Variants in UPF2 observed in about 807,000 individuals in gnomAD.
UPF2 encodes the protein regulator of nonsense transcripts 2.
Under a neutral mutation model 141.4 loss-of-function variants are expected in UPF2, and 17 were observed. The ratio of observed to expected loss-of-function variants is 0.12; its 90% CI spans 0.08 to 0.18. The LOEUF is 0.18. UPF2 is among the 10% of genes least tolerant of loss of function. The probability of loss-of-function intolerance (pLI) is 1.00; values close to 1 mark genes in which losing one functional copy is unlikely to be tolerated. For missense variants in UPF2, 1,152 were observed against 1,515.9 expected, an observed-to-expected ratio of 0.76 and a Z score of 3.99; for synonymous variants, 540 against 498.0, an observed-to-expected ratio of 1.08 and a Z score of -1.12.
intron 2 of UPF2, among the ~76,000 whole-genome samples, chr10:12,033,082 C>T (rs530407442): frequency 2.0e-5 from 3 of 152,248 alleles, no homozygotes; most frequent in Admixed American, 6.5e-5. Context: ...GAGATCTATA[C>T]AAAATCGTGC....
chr10:11,984,960 G>A (rs567338761), intron 8 of UPF2, among the ~76,000 whole-genome samples: 3 of 152,228 alleles, frequency 2.0e-5, no homozygotes, highest in African/African-American at 4.8e-5. Context: ...TGATCCACCC[G>A]CCTCGGCCTC....
intron 8 of UPF2, among the ~76,000 whole-genome samples, chr10:11,982,779 C>A (rs1833620784): frequency 6.6e-6 from 1 of 152,130 alleles, no homozygotes; most frequent in African/African-American, 2.4e-5. Context: ...CACCACCACA[C>A]CCATTTAATT....
chr10:11,942,489 C>T (rs1832948815), intron 18 of UPF2, among the ~76,000 whole-genome samples, 176 bp downstream of exon 18: 1 of 152,178 alleles, frequency 6.6e-6, no homozygotes, highest in Non-Finnish European at 1.5e-5. Context: ...TCATGCAAAT[C>T]AGGATGTGGG....
In UPF2 at chr10:12,035,353, T is replaced by G. The variant is rs1358842008; in HGVS notation, c.71A>C (p.Asp24Ala). 1 of 1,604,714 alleles carries G rather than the reference T, an allele frequency of 6.2e-7. No individual in the cohort carries two copies. The highest frequency in any genetic ancestry group is 8.5e-7 in the Non-Finnish European group (1 of 1,177,924). The change falls in exon 2 of 22, where the codon GAC becomes GCC. Residue 24 changes from aspartate (D) to alanine (A), a missense_variant. Physicochemically the swap from Asp to Ala is moderately radical, Grantham distance 126. Around this residue, in one of 4 missense-constraint regions of UPF2, gnomAD observed 145 missense variants for 136.5 expected, o/e 1.06. Coordinates refer to ENST00000357604, the MANE Select transcript of UPF2 (RefSeq NM_015542.4). Reference sequence around the variant, plus strand: ...GCTCACTGTCCGCCTTTCACTGCAGTCTTTTTCCTTGTTGTTTGGTAAAGA... The same window carrying G: ...GCTCACTGTCCGCCTTTCACTGCAGGCTTTTTCCTTGTTGTTTGGTAAAGA... ...KDSLPNNKEK[D>A]CSERRTVSSK...
intron 8 of UPF2, among the ~76,000 whole-genome samples, chr10:11,984,164 C>T (rs1001295196): frequency 8.6e-5 from 13 of 151,588 alleles, no homozygotes; most frequent in African/African-American, 2.2e-4. Flanking sequence ...TCAGGTGACC[C>T]GCCGCCTTTG....
chr10:11,969,177 T>C (rs1305900374), intron 9 of UPF2, among the ~76,000 whole-genome samples: 2 of 151,818 alleles, frequency 1.3e-5, no homozygotes, highest in African/African-American at 4.8e-5. Context: ...CTTTTTTTTT[T>C]CTTTTTTTGA....
intron 3 of UPF2, among the ~76,000 whole-genome samples, chr10:12,028,103 C>G (rs754229800): frequency 3.3e-5 from 5 of 152,100 alleles, no homozygotes; most frequent in Non-Finnish European, 4.4e-5. Flanking sequence ...TCTACCATAC[C>G]TTTTAACAAC....
Position 12,035,439 on chromosome 10 carries a change from A to G in UPF2, c.-16T>C. The G allele has an allele frequency of 6.5e-7, 1 of 1,531,538 alleles. No homozygotes were observed. Among genetic ancestry groups the G allele is most frequent in the Non-Finnish European group, 8.7e-7 (1 of 1,148,674 alleles). The allele number at this position is 1,531,538 out of a possible 1,614,324, so 94.9% of individuals were successfully genotyped here. On this transcript the variant is annotated splice_region_variant and 5_prime_UTR_variant, in exon 2 of 22. Transcript: ENST00000357604. ...CAGCTGGCATTATGTGACCCAGGAC[A>G]ATCTGTAAGAGGGAAAGAATGTCAG...
chr10:11,967,538 T>A, intron 9 of UPF2, 84 bp from the exon 10 acceptor site: 1 of 588,090 alleles, frequency 1.7e-6, no homozygotes, highest in Non-Finnish European at 2.7e-6. Flanking sequence ...GCATTCGAAT[T>A]CACTCCAGTT....
chr10:11,949,704 G>T (rs917185440), intron 15 of UPF2, among the ~76,000 whole-genome samples: 1 of 152,174 alleles, frequency 6.6e-6, no homozygotes, highest in African/African-American at 2.4e-5. Flanking sequence ...TAGCGATGAT[G>T]TGATTTAACC....
At chr10:11,989,415 T>C (rs1480863811) in intron 8 of UPF2, among the ~76,000 whole-genome samples, 1 of 152,014 alleles carries the variant, frequency 6.6e-6, no homozygotes, top group Non-Finnish European at 1.5e-5. Context: ...GGCCAGGAGT[T>C]CAAGAGCAGC....
chr10:12,004,697 G>C lies in UPF2; in HGVS notation c.1337C>G (p.Pro446Arg). 6.2e-7 allele frequency: 1 copy of C among 1,613,528 alleles called. No individual in the cohort carries two copies. The highest frequency in any genetic ancestry group is 1.7e-4 in the Middle Eastern group (1 of 6,058). ...CAAGTCATATTCTCCAGGTTTACCAGGTGTGAATATATCAATTCCAGGCCC... is the reference window on the plus strand; with the variant it reads ...CAAGTCATATTCTCCAGGTTTACCACGTGTGAATATATCAATTCCAGGCCC... ...EHGPGIDIFTPGKPGEYDLEG... is the reference protein window; with the variant it reads ...EHGPGIDIFTRGKPGEYDLEG... The change falls in exon 5 of 22, where the codon CCT becomes CGT. Residue 446 changes from proline (P) to arginine (R), a missense_variant. Physicochemically the swap from Pro to Arg is moderately radical, Grantham distance 103. Around this residue, in one of 4 missense-constraint regions of UPF2, gnomAD observed 739 missense variants for 1,032.2 expected, o/e 0.72. Coordinates refer to ENST00000357604, the MANE Select transcript of UPF2 (RefSeq NM_015542.4).
intron 14 of UPF2, among the ~76,000 whole-genome samples, chr10:11,955,002 A>C: frequency 6.6e-6 from 1 of 152,074 alleles, no homozygotes; most frequent in Non-Finnish European, 1.5e-5. Flanking sequence ...TCCCAAAATT[A>C]ATGACCAATC....
intron 8 of UPF2, among the ~76,000 whole-genome samples, chr10:11,989,258 G>A (rs1313991789): frequency 2.0e-5 from 3 of 152,138 alleles, no homozygotes; most frequent in African/African-American, 7.2e-5. Flanking sequence ...CTATTAACAT[G>A]AGAAATGTAT....
intron 11 of UPF2, among the ~76,000 whole-genome samples, chr10:11,961,507 G>C (rs1040284877): frequency 6.6e-6 from 1 of 151,970 alleles, no homozygotes; most frequent in African/African-American, 2.4e-5. Context: ...GCAGAAGAGG[G>C]AAGAGGAGGG....
At chr10:11,932,120 G>A (rs916171072) in intron 19 of UPF2, among the ~76,000 whole-genome samples, 1 of 151,308 alleles carries the variant, frequency 6.6e-6, no homozygotes, top group Non-Finnish European at 1.5e-5. Flanking sequence ...CTGCACTCCA[G>A]CCTGGGCAAA....
intron 4 of UPF2, among the ~76,000 whole-genome samples, chr10:12,010,162 G>A (rs1834102750): frequency 6.6e-6 from 1 of 152,156 alleles, no homozygotes; most frequent in Admixed American, 6.6e-5. Context: ...TAACTTAACT[G>A]CAACCCAGGA....
chr10:12,035,585 G>C, intron 1 of UPF2, 144 bp from the exon 2 acceptor site: 6 of 857,798 alleles, frequency 7.0e-6, no homozygotes, highest in Non-Finnish European at 3.3e-6. Context: ...TACTATTTCT[G>C]TTACAAAATA....
chr10:11,962,129 A>C (rs1467493308), intron 11 of UPF2, among the ~76,000 whole-genome samples: 1 of 152,202 alleles, frequency 6.6e-6, no homozygotes, highest in African/African-American at 2.4e-5. Flanking sequence ...TCCAGCTTTT[A>C]ATCTCAATTA....
Sources: allele counts gnomAD v4.1 joint callset (sites outside exome capture counted in the v4.1 genomes callset), GRCh38; gene constraint gnomAD v4.1.1; regional missense constraint gnomAD v4.1.1; transcripts MANE v1.5; gene names NCBI Gene and HGNC (gene_info 2026-07-23, HGNC 2026-07-21).